Variants in KIRREL3 observed in about 807,000 individuals in gnomAD.
The protein encoded by KIRREL3 is kirre like nephrin family adhesion molecule 3, also known as kin of IRRE-like protein 3.
Under a neutral mutation model 89.7 loss-of-function variants are expected in KIRREL3, and 36 were observed. That is an observed-to-expected ratio of 0.40 (90% CI 0.31 to 0.53). The LOEUF (loss-of-function observed/expected upper bound fraction) is 0.53, where lower values mean the gene tolerates loss of function less well. Among genes scored for constraint, KIRREL3 ranks in the 20% least tolerant of loss-of-function variants. The pLI is 0.49. For missense variants in KIRREL3, 864 were observed against 1,056.6 expected, an observed-to-expected ratio of 0.82 and a Z score of 2.53; for synonymous variants, 445 against 441.4, an observed-to-expected ratio of 1.01 and a Z score of -0.10.
chr11:126,781,632 C>T (rs1394127674), intron 1 of KIRREL3, among the ~76,000 whole-genome samples: 1 of 152,168 alleles, frequency 6.6e-6, no homozygotes, highest in Non-Finnish European at 1.5e-5. Flanking sequence ...CTATTAAAAA[C>T]ATTTATTCTC....
intron 1 of KIRREL3, among the ~76,000 whole-genome samples, chr11:126,967,650 G>T (rs1305813452): frequency 6.6e-6 from 1 of 151,970 alleles, no homozygotes; most frequent in East Asian, 1.9e-4. Context: ...ATGAGGCAAT[G>T]TTCACTCAAG....
At position 126,697,830 on chromosome 11, in the gene KIRREL3, C is replaced by T. The variant is rs1947161025; in HGVS notation, c.56-134918G>A. Among the ~76,000 whole-genome samples, 2 of 152,178 alleles carry T rather than the reference C, an allele frequency of 1.3e-5. No individual in the cohort carries two copies. The highest frequency in any genetic ancestry group is 1.3e-4 in the Admixed American group (2 of 15,280). On this transcript the variant is annotated intron_variant, in intron 1 of 16. Transcript: ENST00000525144. The surrounding 1 kb of genome is among the most constrained non-coding windows in gnomAD (Gnocchi z 4.2). The stretch of plus-strand genomic sequence containing the variant: ...CTCAGACCACAAACAAGCAGCCCTG[C>T]TCTTGACAGTCATCTGAGGATCTTT...
In KIRREL3 at chr11:126,441,373, C is replaced by T. The variant is rs1204866806; in HGVS notation, c.1253-824G>A. ...TGGTGGAGGGGAGCCTGTTCCCCAG[C>T]GCCTCCTGTCCAGTTCCGCCTGTTA... On this transcript the variant is annotated intron_variant, in intron 10 of 16. Transcript: ENST00000525144. This position sits in a 1 kb window ranked among gnomAD's most constrained non-coding sequence, Gnocchi z 5.0. 1.3e-5 allele frequency among the ~76,000 whole-genome samples: 2 copies of T among 152,246 alleles called. No individual in the cohort carries two copies. Among genetic ancestry groups the T allele is most frequent in the Non-Finnish European group, 2.9e-5 (2 of 68,040 alleles).
Position 126,455,880 on chromosome 11 carries a change from C to T in KIRREL3, c.848+469G>A, listed in dbSNP as rs1252958598. Among the ~76,000 whole-genome samples, 2 of 151,944 alleles carry T rather than the reference C, an allele frequency of 1.3e-5. No individual in the cohort carries two copies. The highest frequency in any genetic ancestry group is 1.3e-4 in the Admixed American group (2 of 15,262). On this transcript the variant is annotated intron_variant, in intron 7 of 16. Transcript: ENST00000525144. This position sits in a 1 kb window ranked among gnomAD's most constrained non-coding sequence, Gnocchi z 6.4. ...ATCCGTGTTGTGAGCAAGAGACACACAGGGGCCATGAGTAAGTGTGATCCC... is the reference window on the plus strand; with the variant it reads ...ATCCGTGTTGTGAGCAAGAGACACATAGGGGCCATGAGTAAGTGTGATCCC...
intron 1 of KIRREL3, among the ~76,000 whole-genome samples, chr11:126,573,014 G>C (rs555368642): frequency 2.6e-5 from 4 of 152,324 alleles, no homozygotes; most frequent in South Asian, 2.1e-4. Flanking sequence ...AGGGGGCAGA[G>C]AGAAGAACAA....
chr11:126,726,559 G>A (rs766366457), intron 1 of KIRREL3, among the ~76,000 whole-genome samples: 17 of 152,084 alleles, frequency 1.1e-4, no homozygotes, highest in Non-Finnish European at 2.2e-4. Context: ...GTAGAGTTGG[G>A]GTTTCGCCAT....
chr11:126,867,176 TGCTC>T lies in KIRREL3; in HGVS notation c.55+133275_55+133278del, dbSNP rs1944953677. 6.6e-6 allele frequency among the ~76,000 whole-genome samples: 1 copy of T among 152,246 alleles called. No individual in the cohort carries two copies. Among genetic ancestry groups the T allele is most frequent in the Non-Finnish European group, 1.5e-5 (1 of 68,044 alleles). ...GTTCCCCACAATCTGCCTGTCTGCCTGCTCCCCCCAGGGGTTTGAGCAGCGGGGC... is the reference window on the plus strand; with the variant it reads ...GTTCCCCACAATCTGCCTGTCTGCCTCCCCCAGGGGTTTGAGCAGCGGGGC... On this transcript the variant is annotated intron_variant, in intron 1 of 16. Transcript: ENST00000525144. This position sits in a 1 kb window ranked among gnomAD's most constrained non-coding sequence, Gnocchi z 4.7.
At position 126,797,427 on chromosome 11, in the gene KIRREL3, T is replaced by C. The variant is rs1397370602; in HGVS notation, c.55+203028A>G. Among the ~76,000 whole-genome samples, 1 of 152,124 alleles carries C rather than the reference T, an allele frequency of 6.6e-6. No homozygotes were observed. Among genetic ancestry groups the C allele is most frequent in the African/African-American group, 2.4e-5 (1 of 41,420 alleles). On this transcript the variant is annotated intron_variant, in intron 1 of 16. Transcript: ENST00000525144. This position sits in a 1 kb window ranked among gnomAD's most constrained non-coding sequence, Gnocchi z 4.9. ...GTTATTGGTTGGAAGAATCTGCTGG[T>C]CAGTGTCGGGGGCCCTTCAACTTCT... is the stretch of plus-strand genomic sequence containing the variant.
chr11:126,958,482 A>T (rs1198057018), intron 1 of KIRREL3, among the ~76,000 whole-genome samples: 1 of 152,196 alleles, frequency 6.6e-6, no homozygotes, highest in Non-Finnish European at 1.5e-5. Context: ...CCAGCCTGAC[A>T]TTCAGCCACA....
Position 126,485,178 on chromosome 11 carries a change from C to A in KIRREL3, c.434-11712G>T, listed in dbSNP as rs80351934. On this transcript the variant is annotated intron_variant, in intron 4 of 16. Coordinates refer to ENST00000525144, the MANE Select transcript of KIRREL3 (RefSeq NM_032531.4). The surrounding 1 kb of genome is among the most constrained non-coding windows in gnomAD (Gnocchi z 5.8). The stretch of plus-strand genomic sequence containing the variant: ...ATATTTGGCAGCACAATCGCACAGA[C>A]GTGTCTCCAAGGAGGTTGGGGACAG... Among the ~76,000 whole-genome samples, 6 of 152,002 alleles carry A rather than the reference C, an allele frequency of 3.9e-5. No homozygotes were observed. Among genetic ancestry groups the A allele is most frequent in the Non-Finnish European group, 7.4e-5 (5 of 68,004 alleles).
rs1382122176 is a variant in KIRREL3, at chr11:126,773,343, C to A, written c.56-210431G>T. Among the ~76,000 whole-genome samples the A allele has an allele frequency of 6.6e-6, 1 of 152,124 alleles. No individual in the cohort carries two copies. Among genetic ancestry groups the A allele is most frequent in the Non-Finnish European group, 1.5e-5 (1 of 68,038 alleles). On this transcript the variant is annotated intron_variant, in intron 1 of 16. Transcript: ENST00000525144. The surrounding 1 kb of genome is among the most constrained non-coding windows in gnomAD (Gnocchi z 4.2). ...GGCCAGAGTAGAACAAAAGGCTGGC[C>A]TCACCCGAGCAAGAAGGAACTCTCC... is the stretch of plus-strand genomic sequence containing the variant.
At chr11:126,440,835 C>G in intron 10 of KIRREL3, 1 of 505,964 alleles carries the variant, frequency 2.0e-6, no homozygotes, top group Non-Finnish European at 3.6e-6. Context: ...AGGAGCGGTG[C>G]AGATAAAGTG....
At chr11:126,721,253 G>A (rs942515097) in intron 1 of KIRREL3, among the ~76,000 whole-genome samples, 2 of 152,098 alleles carry the variant, frequency 1.3e-5, no homozygotes, top group Non-Finnish European at 2.9e-5. Flanking sequence ...TCATGAGGCC[G>A]GGCATGGTGG....
chr11:126,727,237 G>T (rs1948423887), intron 1 of KIRREL3, among the ~76,000 whole-genome samples: 1 of 149,612 alleles, frequency 6.7e-6, no homozygotes, highest in South Asian at 2.1e-4. Flanking sequence ...TCCCCTTGGA[G>T]GCCGGCTGGC....
Position 126,792,706 on chromosome 11 carries a change from T to C in KIRREL3, c.55+207749A>G, listed in dbSNP as rs532016654. 1.4e-4 allele frequency among the ~76,000 whole-genome samples: 21 copies of C among 152,352 alleles called. No homozygotes were observed. In the South Asian group the frequency reaches 4.4e-3, roughly 32 times the overall value. Reference sequence around the variant, plus strand: ...TGCACACAATGCGATTAACAATGGTTACAAGTAACAACATGGATAAATCTT... The same window carrying C: ...TGCACACAATGCGATTAACAATGGTCACAAGTAACAACATGGATAAATCTT... On this transcript the variant is annotated intron_variant, in intron 1 of 16. Coordinates refer to ENST00000525144, the MANE Select transcript of KIRREL3 (RefSeq NM_032531.4).
intron 1 of KIRREL3, among the ~76,000 whole-genome samples, chr11:126,662,241 A>T (rs1473984851): frequency 6.6e-6 from 1 of 152,182 alleles, no homozygotes; most frequent in Admixed American, 6.5e-5. Flanking sequence ...CATTGCTATG[A>T]CTAAGAGCCC....
chr11:126,604,129 G>A (rs983049480), intron 1 of KIRREL3, among the ~76,000 whole-genome samples: 4 of 152,014 alleles, frequency 2.6e-5, no homozygotes, highest in Non-Finnish European at 2.9e-5. Flanking sequence ...CATGAGGCCC[G>A]ATGCTAGGCT....
chr11:126,956,618 G>T (rs1454606553), intron 1 of KIRREL3, among the ~76,000 whole-genome samples: 2 of 152,072 alleles, frequency 1.3e-5, no homozygotes, highest in African/African-American at 4.8e-5. Context: ...TGGTAGTCGG[G>T]GTGGATTATC....
chr11:126,701,249 G>A (rs1304673670), intron 1 of KIRREL3, among the ~76,000 whole-genome samples: 2 of 152,164 alleles, frequency 1.3e-5, no homozygotes, highest in Non-Finnish European at 2.9e-5. Context: ...CCTTCATGAT[G>A]AATTCCTGGG....
Sources: gnomAD v4.1 joint callset for allele counts (sites outside exome capture counted in the v4.1 genomes callset) on GRCh38, gnomAD v4.1.1 for gene constraint, Gnocchi (gnomAD v3.1) non-coding constraint, MANE v1.5 for transcripts, NCBI Gene and HGNC (gene_info 2026-07-23, HGNC 2026-07-21) for gene names.